GNAQ: variants seen among roughly 807,000 people sequenced by gnomAD.
GNAQ encodes the protein G protein subunit alpha q.
In GNAQ, 8 loss-of-function variants were observed where a neutral mutation model predicts 43.9. The ratio of observed to expected loss-of-function variants is 0.18; its 90% CI spans 0.11 to 0.33. The LOEUF is 0.33. Among genes scored for constraint, GNAQ ranks in the 10% least tolerant of loss-of-function variants. GNAQ has a pLI of 1.00. For missense variants in GNAQ, 158 were observed against 450.8 expected, an observed-to-expected ratio of 0.35 and a Z score of 5.88; for synonymous variants, 155 against 170.7, an observed-to-expected ratio of 0.91 and a Z score of 0.71.
chr9:77,953,830 A>G (rs1823010901), intron 1 of GNAQ, among the ~76,000 whole-genome samples: 1 of 152,234 alleles, frequency 6.6e-6, no homozygotes, highest in Admixed American at 6.5e-5. Context: ...ACAGTTACAA[A>G]GAACTCTGCA....
At chr9:77,806,243 G>A (rs1826828184) in intron 3 of GNAQ, among the ~76,000 whole-genome samples, 1 of 152,198 alleles carries the variant, frequency 6.6e-6, no homozygotes, top group Non-Finnish European at 1.5e-5. Flanking sequence ...CAAGCTATTG[G>A]TTAATTTTGA....
intron 1 of GNAQ, among the ~76,000 whole-genome samples, chr9:77,962,787 G>A (rs547874739): frequency 6.6e-6 from 1 of 151,366 alleles, no homozygotes; most frequent in Non-Finnish European, 1.5e-5. Flanking sequence ...AGCTACTCGG[G>A]AGGCTGAGGC....
chr9:77,922,996 C>T (rs555189328), intron 1 of GNAQ, among the ~76,000 whole-genome samples: 17 of 151,486 alleles, frequency 1.1e-4, no homozygotes, highest in Middle Eastern at 3.4e-3. Flanking sequence ...TACAGGCATG[C>T]ACTACGATGC....
chr9:77,954,430 G>T (rs1354660379), intron 1 of GNAQ, among the ~76,000 whole-genome samples: 1 of 152,292 alleles, frequency 6.6e-6, no homozygotes, highest in East Asian at 1.9e-4. Context: ...AGAACTGAGA[G>T]CACTACAATT....
intron 1 of GNAQ, among the ~76,000 whole-genome samples, chr9:77,996,139 A>G (rs1823564624): frequency 6.6e-6 from 1 of 152,226 alleles, no homozygotes. Flanking sequence ...AGAACTGCCA[A>G]TGGTCAGGAC....
chr9:77,815,571 G>C (rs989985144), intron 3 of GNAQ, 45 bp downstream of exon 3: 1 of 1,263,372 alleles, frequency 7.9e-7, no homozygotes, highest in African/African-American at 1.5e-5. Flanking sequence ...CCTCCACATG[G>C]AAGTAAAGAG....
chr9:77,862,735 A>G (rs989553639), intron 2 of GNAQ, among the ~76,000 whole-genome samples: 4 of 152,256 alleles, frequency 2.6e-5, no homozygotes, highest in Non-Finnish European at 5.9e-5. Flanking sequence ...AAATTTCTGC[A>G]GCGGGCTTGA....
chr9:77,977,271 A>C (rs1020522996), intron 1 of GNAQ, among the ~76,000 whole-genome samples: 2 of 151,976 alleles, frequency 1.3e-5, no homozygotes, highest in Non-Finnish European at 2.9e-5. Context: ...CCCTAACCCC[A>C]TCTCAGTACT....
intron 2 of GNAQ, among the ~76,000 whole-genome samples, chr9:77,895,183 G>C (rs1346787658): frequency 7.3e-6 from 1 of 137,210 alleles, no homozygotes; most frequent in Non-Finnish European, 1.6e-5. Flanking sequence ...GGGTGACAGA[G>C]CGAGACTCCA....
At chr9:77,839,138 G>T (rs1827442608) in intron 2 of GNAQ, among the ~76,000 whole-genome samples, 1 of 152,044 alleles carries the variant, frequency 6.6e-6, no homozygotes, top group Admixed American at 6.6e-5. Flanking sequence ...ATTCCCCCAG[G>T]CCTCGTGGTG....
chr9:77,830,311 T>C (rs146262709), intron 2 of GNAQ, among the ~76,000 whole-genome samples: 2 of 152,200 alleles, frequency 1.3e-5, no homozygotes, highest in Non-Finnish European at 2.9e-5. Flanking sequence ...CCTTGGTATC[T>C]GAAGTATGGG....
chr9:77,796,380 T>C (rs552830689), intron 4 of GNAQ, among the ~76,000 whole-genome samples: 5 of 152,222 alleles, frequency 3.3e-5, no homozygotes, highest in African/African-American at 1.2e-4. Context: ...ACATCCATCT[T>C]CAATGGGGTG....
intron 2 of GNAQ, among the ~76,000 whole-genome samples, chr9:77,874,198 A>T (rs949254551): frequency 1.3e-5 from 2 of 152,176 alleles, no homozygotes; most frequent in Non-Finnish European, 2.9e-5. Flanking sequence ...ATAAGTACAG[A>T]ACACAGGTAG....
At chr9:78,018,411 T>C (rs1823865059) in intron 1 of GNAQ, among the ~76,000 whole-genome samples, 1 of 152,080 alleles carries the variant, frequency 6.6e-6, no homozygotes, top group Non-Finnish European at 1.5e-5. Context: ...TTTGATAAAT[T>C]TATGAATATT....
At chr9:77,774,694 C>G (rs188613927) in intron 5 of GNAQ, among the ~76,000 whole-genome samples, 10 of 152,286 alleles carry the variant, frequency 6.6e-5, no homozygotes, top group Admixed American at 6.5e-4. Flanking sequence ...AACTCCTAGC[C>G]TGAAGTCATC....
At chr9:77,937,438 A>AAAAT (rs542888271) in intron 1 of GNAQ, among the ~76,000 whole-genome samples, 110 of 152,168 alleles carry the variant, frequency 7.2e-4, no homozygotes, top group South Asian at 2.9e-3. Flanking sequence ...ACTACATCTC[A>AAAAT]AAATAAATAA....
intron 2 of GNAQ, among the ~76,000 whole-genome samples, chr9:77,818,698 T>C (rs1413037503): frequency 6.6e-6 from 1 of 152,098 alleles, no homozygotes; most frequent in African/African-American, 2.4e-5. Context: ...TTGAACATTG[T>C]GCACAGAAAA....
At chr9:77,823,431 T>A (rs973018288) in intron 2 of GNAQ, among the ~76,000 whole-genome samples, 2 of 152,194 alleles carry the variant, frequency 1.3e-5, no homozygotes, top group African/African-American at 4.8e-5. Context: ...TATAATAATA[T>A]AGTTATAGTC....
At chr9:77,931,701 C>T (rs1013593368) in intron 1 of GNAQ, among the ~76,000 whole-genome samples, 1 of 152,162 alleles carries the variant, frequency 6.6e-6, no homozygotes. Flanking sequence ...ACATATTATG[C>T]ATATGCTACC....
Sources: gnomAD v4.1 joint callset for allele counts (sites outside exome capture counted in the v4.1 genomes callset) on GRCh38, gnomAD v4.1.1 for gene constraint, MANE v1.5 for transcripts, NCBI Gene and HGNC (gene_info 2026-07-23, HGNC 2026-07-21) for gene names.